The following PTPRO variants were observed in gnomAD, a reference collection of about 807,000 sequenced individuals.
PTPRO encodes the protein receptor-type tyrosine-protein phosphatase O.
Under a neutral mutation model 145.2 loss-of-function variants are expected in PTPRO, and 62 were observed. That is an observed-to-expected ratio of 0.43 (90% CI 0.35 to 0.53). The LOEUF is 0.53. Among genes scored for constraint, PTPRO ranks in the 20% least tolerant of loss-of-function variants. The pLI is 0.01. For missense variants in PTPRO, 1,345 were observed against 1,482.7 expected (o/e 0.91, Z 1.53); for synonymous variants, 565 against 514.7 (o/e 1.10, Z -1.32).
At chr12:15,362,389 TG>T (rs1938237281) in intron 1 of PTPRO, among the ~76,000 whole-genome samples, 1 of 152,172 alleles carries the variant, frequency 6.6e-6, no homozygotes, top group African/African-American at 2.4e-5. Context: ...TGTCCAAAAG[TG>T]TTGTATTTGC....
intron 1 of PTPRO, among the ~76,000 whole-genome samples, chr12:15,334,508 C>T (rs1292612544): frequency 2.0e-5 from 3 of 152,132 alleles, no homozygotes; most frequent in South Asian, 2.1e-4. Context: ...AAGACAACTG[C>T]TATTACTTAA....
At chr12:15,447,720 A>T (rs1940936643) in intron 1 of PTPRO, among the ~76,000 whole-genome samples, 1 of 151,090 alleles carries the variant, frequency 6.6e-6, no homozygotes, top group Non-Finnish European at 1.5e-5. Context: ...TAAGAGCCAA[A>T]TTTGCCATCG....
Position 15,350,000 on chromosome 12 carries a change from A to C in PTPRO, c.75+27199A>C, listed in dbSNP as rs538896592. On this transcript the variant is annotated intron_variant, in intron 1 of 26. Transcript: ENST00000281171. ...GATGAATTTAAGGTGTGTATTGGAT[A>C]GCCAGGTAGAGATGCCCAGAAGCCA... 8.0e-4 allele frequency among the ~76,000 whole-genome samples: 122 copies of C among 152,328 alleles called. 1 individual carries two copies. Among genetic ancestry groups the C allele is most frequent in the African/African-American group, 2.8e-3 (116 of 41,568 alleles).
At position 15,516,695 on chromosome 12, in the gene PTPRO, G is replaced by T. The variant is rs138482906; in HGVS notation, c.1586-68G>T. On this transcript the variant is annotated intron_variant, in intron 8 of 26. Transcript: ENST00000281171. Reference sequence around the variant, plus strand: ...TGAAAACTCGGGTCATTAAGTAGAAGTTTGAGGCCATTGCTAAGACATTCC... The same window carrying T: ...TGAAAACTCGGGTCATTAAGTAGAATTTTGAGGCCATTGCTAAGACATTCC... The T allele has an allele frequency of 3.3e-4, 470 of 1,403,612 alleles. 4 individuals carry two copies. In the East Asian group the frequency reaches 5.2e-3, roughly 16 times the overall value. 86.9% of individuals were successfully genotyped at this position (1,403,612 alleles called of 1,614,324 possible). A position where few individuals can be genotyped will look rare whatever the true frequency, so the allele number is the denominator to read the frequency against.
In PTPRO at chr12:15,484,032, A is replaced by G; in HGVS notation, c.134A>G (p.Glu45Gly). 6.2e-7 allele frequency: 1 copy of G among 1,613,700 alleles called. No individual in the cohort carries two copies. The highest frequency in any genetic ancestry group is 8.5e-7 in the Non-Finnish European group (1 of 1,179,630). The change falls in exon 2 of 27, where the codon GAA becomes GGA. Residue 45 changes from glutamate (E) to glycine (G), a missense_variant. Physicochemically the swap from Glu to Gly is moderately conservative, Grantham distance 98. This residue lies in a region of PTPRO where 1,130 missense variants were observed against 1,214.7 expected (regional missense o/e 0.93). Coordinates refer to ENST00000281171, the MANE Select transcript of PTPRO (RefSeq NM_030667.3). ...QDDNNIVVSL[E>G]ASDVISPASV... is the part of the protein sequence containing the mutation. ...GATAATAACATCGTTGTCTCATTAGAAGCTTCAGACGTCATCAGTCCAGCA... is the reference window on the plus strand; with the variant it reads ...GATAATAACATCGTTGTCTCATTAGGAGCTTCAGACGTCATCAGTCCAGCA...
intron 2 of PTPRO, among the ~76,000 whole-genome samples, chr12:15,493,989 TAAA>T (rs1220703946): frequency 6.6e-6 from 1 of 152,048 alleles, no homozygotes; most frequent in Non-Finnish European, 1.5e-5. Flanking sequence ...TGTTAGGCAA[TAAA>T]AACAAGCTGC....
At chr12:15,494,726 C>T (rs1430582006) in intron 2 of PTPRO, among the ~76,000 whole-genome samples, 4 of 152,164 alleles carry the variant, frequency 2.6e-5, no homozygotes, top group African/African-American at 7.2e-5. Flanking sequence ...TCTAATCCTC[C>T]TGTCTGTCTT....
intron 17 of PTPRO, among the ~76,000 whole-genome samples, chr12:15,562,384 C>T (rs186878010): frequency 1.3e-4 from 20 of 152,250 alleles, no homozygotes; most frequent in African/African-American, 4.3e-4. Context: ...ACCCTGTGAA[C>T]AACAGCTGCA....
Position 15,497,394 on chromosome 12 carries a change from C to T in PTPRO, c.499C>T (p.Leu167=). 1 of 1,613,248 alleles carries T rather than the reference C, an allele frequency of 6.2e-7. No individual in the cohort carries two copies. The highest frequency in any genetic ancestry group is 8.5e-7 in the Non-Finnish European group (1 of 1,179,506). ...YWEGKDFRTM[L]YKDFFKGKTV... ...GGAAGGTAAAGACTTCCGGACAATG[C>T]TATATAAAGGTAAGCAGCAAAAGGA... Residue 167 remains leucine (L), a synonymous_variant, in exon 3 of 27, where the codon CTA becomes TTA. Transcript: ENST00000281171.
chr12:15,437,645 G>A (rs369713682), intron 1 of PTPRO, among the ~76,000 whole-genome samples: 21 of 151,324 alleles, frequency 1.4e-4, no homozygotes, highest in East Asian at 5.9e-4. Context: ...CCTTCTGTTC[G>A]TAGATATTGG....
At chr12:15,341,437 G>C (rs1297098533) in intron 1 of PTPRO, among the ~76,000 whole-genome samples, 1 of 152,064 alleles carries the variant, frequency 6.6e-6, no homozygotes, top group Non-Finnish European at 1.5e-5. Flanking sequence ...GCTGGGAAGT[G>C]TACTGCCATG....
At chr12:15,455,970 C>T (rs1190608901) in intron 1 of PTPRO, among the ~76,000 whole-genome samples, 16 of 152,094 alleles carry the variant, frequency 1.1e-4, no homozygotes, top group Admixed American at 1.0e-3. Flanking sequence ...CAAACTTGCA[C>T]GTTCTGCACA....
At chr12:15,585,552 A>G (rs1944413513) in intron 23 of PTPRO, among the ~76,000 whole-genome samples, 1 of 152,200 alleles carries the variant, frequency 6.6e-6, no homozygotes, top group Non-Finnish European at 1.5e-5. Flanking sequence ...ATTTATTTAT[A>G]CATTTTATTT....
intron 1 of PTPRO, among the ~76,000 whole-genome samples, chr12:15,478,740 C>A (rs542125242): frequency 2.0e-5 from 3 of 152,060 alleles, no homozygotes; most frequent in Non-Finnish European, 4.4e-5. Context: ...GGCGCGATAT[C>A]GGCTCACTGC....
chr12:15,448,357 A>AAAAAAAAAAAAAAAAAAC, intron 1 of PTPRO, among the ~76,000 whole-genome samples: 1 of 149,540 alleles, frequency 6.7e-6, no homozygotes, highest in Non-Finnish European at 1.5e-5. Context: ...AAAAAAAAAA[A>AAAAAAAAAAAAAAAAAAC]AAAGCACCGA....
intron 1 of PTPRO, among the ~76,000 whole-genome samples, chr12:15,432,992 G>T (rs1349587564): frequency 6.6e-6 from 1 of 151,828 alleles, no homozygotes; most frequent in Non-Finnish European, 1.5e-5. Flanking sequence ...TGTTTTTGTT[G>T]TTGTTGTTGT....
intron 1 of PTPRO, among the ~76,000 whole-genome samples, chr12:15,328,577 A>C (rs903813397): frequency 3.3e-5 from 5 of 152,172 alleles, no homozygotes; most frequent in Admixed American, 3.3e-4. Flanking sequence ...GAGAATCAGA[A>C]ATGGAAATAG....
intron 12 of PTPRO, among the ~76,000 whole-genome samples, chr12:15,528,451 G>A (rs1213917213): frequency 6.6e-6 from 1 of 150,942 alleles, no homozygotes; most frequent in Non-Finnish European, 1.5e-5. Context: ...TGTGAACTCA[G>A]GAGGTGGAGC....
rs778124264 is a variant in PTPRO, at chr12:15,560,195, G to A, written c.2630G>A (p.Arg877His). Residue 877 changes from arginine to histidine, a missense_variant and splice_region_variant, in exon 17 of 27, where the codon CGT (arginine) becomes CAT (histidine). By Grantham distance (29) the Arg-to-His change is conservative. This residue lies in a region of PTPRO where 1,130 missense variants were observed against 1,214.7 expected (regional missense o/e 0.93). Transcript: ENST00000281171. ...CTGTTGTCTATTAATGCACACAGGC[G>A]TAGGAGTATATTTGCTTTCTTAACC... ...ERDGKLPYNW[R>H]RSIFAFLTLL... 9 of 1,580,806 alleles carry A rather than the reference G, an allele frequency of 5.7e-6. No homozygotes were observed. The highest frequency in any genetic ancestry group is 2.2e-5 in the South Asian group (2 of 90,422).
Sources: allele counts gnomAD v4.1 joint callset (sites outside exome capture counted in the v4.1 genomes callset), GRCh38; gene constraint gnomAD v4.1.1; regional missense constraint gnomAD v4.1.1; transcripts MANE v1.5; gene names NCBI Gene and HGNC (gene_info 2026-07-23, HGNC 2026-07-21).